The following YES1 variants were observed in gnomAD, a reference collection of about 807,000 sequenced individuals.
YES1 encodes YES proto-oncogene 1, Src family tyrosine kinase, also known as tyrosine-protein kinase Yes.
YES1 carries 39 observed loss-of-function variants against 70.4 expected under a neutral mutation model. That is an observed-to-expected ratio of 0.55 (90% CI 0.43 to 0.72). YES1 has a LOEUF of 0.72. Among genes scored for constraint, YES1 ranks in the 30% least tolerant of loss-of-function variants. The pLI, the probability that YES1 is intolerant of heterozygous loss-of-function variation, is 0.00. For missense variants in YES1, 495 were observed against 644.8 expected (o/e 0.77, Z 2.52); for synonymous variants, 198 against 218.6 (o/e 0.91, Z 0.83).
chr18:733,120 A>G (rs966680143), intron 10 of YES1, among the ~76,000 whole-genome samples, 155 bp from the exon 11 acceptor site: 3 of 152,238 alleles, frequency 2.0e-5, no homozygotes, highest in Non-Finnish European at 4.4e-5. Flanking sequence ...AAATTCTTTA[A>G]TTTTTAAAAT....
At chr18:776,561 T>C (rs549772935) in intron 1 of YES1, among the ~76,000 whole-genome samples, 2 of 152,328 alleles carry the variant, frequency 1.3e-5, no homozygotes, top group Admixed American at 1.3e-4. Flanking sequence ...AGGCATTCTT[T>C]AATTTTCTGT....
rs150907434 is a variant in YES1 at position 749,525 on chromosome 18, C to A, written c.372-1507G>T. ...AAAAAACAAAAGCAAAACAAAAAAA[C>A]CCCCTGAATTTCTAGAATAATGCAT... On this transcript the variant is annotated intron_variant, in intron 3 of 11. Coordinates refer to ENST00000314574, the MANE Select transcript of YES1 (RefSeq NM_005433.4). Among the ~76,000 whole-genome samples the A allele has an allele frequency of 2.0e-3, 305 of 149,762 alleles. 2 individuals are homozygous for A. The highest frequency in any genetic ancestry group is 6.2e-3 in the South Asian group (29 of 4,698).
At chr18:776,125 A>T (rs1347418438) in intron 1 of YES1, among the ~76,000 whole-genome samples, 1 of 152,220 alleles carries the variant, frequency 6.6e-6, no homozygotes, top group African/African-American at 2.4e-5. Context: ...GAGTAGCTAT[A>T]GCAGTTTATA....
At chr18:745,354 T>C (rs2080266713) in intron 6 of YES1, among the ~76,000 whole-genome samples, 1 of 152,232 alleles carries the variant, frequency 6.6e-6, no homozygotes, top group Admixed American at 6.5e-5. Flanking sequence ...GTAATCCTTC[T>C]GACATAGCTT....
chr18:782,457 T>C (rs1321189643), intron 1 of YES1, among the ~76,000 whole-genome samples: 1 of 152,128 alleles, frequency 6.6e-6, no homozygotes, highest in African/African-American at 2.4e-5. Context: ...GGAAAGGTCC[T>C]AGAAAATGAG....
At chr18:734,908 A>C (rs1250286200) in intron 10 of YES1, among the ~76,000 whole-genome samples, 1 of 152,204 alleles carries the variant, frequency 6.6e-6, no homozygotes, top group Non-Finnish European at 1.5e-5. Context: ...CTGTAATCCC[A>C]GCGCTTTGGG....
chr18:729,425 A>C (rs532376510), intron 11 of YES1, among the ~76,000 whole-genome samples: 1 of 151,540 alleles, frequency 6.6e-6, no homozygotes, highest in South Asian at 2.1e-4. Context: ...AAAAGAAAAT[A>C]AATAAATAAA....
At chr18:777,040 A>C (rs1905420383) in intron 1 of YES1, among the ~76,000 whole-genome samples, 1 of 152,210 alleles carries the variant, frequency 6.6e-6, no homozygotes, top group African/African-American at 2.4e-5. Flanking sequence ...GGCAATTATT[A>C]ATTTTTTTCA....
At chr18:766,333 T>C (rs961825967) in intron 1 of YES1, among the ~76,000 whole-genome samples, 2 of 152,100 alleles carry the variant, frequency 1.3e-5, no homozygotes, top group African/African-American at 4.8e-5. Context: ...ATAGATGTTA[T>C]CATCGATGAT....
At chr18:797,963 C>T (rs1046205773) in intron 1 of YES1, 3 of 152,146 alleles carry the variant, frequency 2.0e-5, no homozygotes, top group African/African-American at 7.2e-5. Context: ...AAACTTCACA[C>T]TATGATCTCT....
chr18:725,717 G>A (rs1000514295), intron 11 of YES1, among the ~76,000 whole-genome samples: 4 of 152,014 alleles, frequency 2.6e-5, no homozygotes, highest in African/African-American at 7.3e-5. Context: ...GTGAAACCAC[G>A]ACTCTACAAA....
intron 1 of YES1, among the ~76,000 whole-genome samples, chr18:765,247 ACTATATATATATAT>A (rs1393245854): frequency 1.6e-5 from 1 of 62,366 alleles, no homozygotes; most frequent in African/African-American, 5.6e-5. Flanking sequence ...AAGAGTTACA[ACTATATATATATAT>A]ATATATATAT....
At chr18:732,436 A>T (rs1630319) in intron 11 of YES1, among the ~76,000 whole-genome samples, 9,220 of 67,208 alleles carry the variant, frequency 0.14, 446 homozygotes, top group East Asian at 0.35. Context: ...GACTGTGTTT[A>T]AAAAAAAAAA....
intron 4 of YES1, among the ~76,000 whole-genome samples, chr18:746,518 G>A (rs1210047780): frequency 3.9e-5 from 6 of 152,170 alleles, no homozygotes; most frequent in African/African-American, 7.2e-5. Flanking sequence ...TGAATAAAAT[G>A]ACAGTGTCTG....
At chr18:741,007 C>T (rs1324854817) in intron 8 of YES1, among the ~76,000 whole-genome samples, 1 of 152,202 alleles carries the variant, frequency 6.6e-6, no homozygotes, top group Non-Finnish European at 1.5e-5. Flanking sequence ...AAGCCATTCT[C>T]GTGCCTCAGC....
Position 724,408 on chromosome 18 carries a change from A to C in YES1, c.*16T>G, listed in dbSNP as rs763335585. 6.2e-7 allele frequency: 1 copy of C among 1,609,992 alleles called. No homozygotes were observed. On this transcript the variant is annotated 3_prime_UTR_variant, in exon 12 of 12. Coordinates refer to ENST00000314574, the MANE Select transcript of YES1 (RefSeq NM_005433.4). ...ATATTTTGGCAGATTTGTGCATATA[A>C]AATAGGCTACTTGAATTATAAATTT...
chr18:800,064 C>T (rs2145832517), intron 1 of YES1, among the ~76,000 whole-genome samples: 1 of 152,350 alleles, frequency 6.6e-6, no homozygotes, highest in South Asian at 2.1e-4. Context: ...CTTAGTTTCT[C>T]CATCAGACTC....
At chr18:791,916 G>A (rs561760298) in intron 1 of YES1, among the ~76,000 whole-genome samples, 67 of 152,060 alleles carry the variant, frequency 4.4e-4, no homozygotes, top group African/African-American at 1.5e-3. Flanking sequence ...TCAGCTGGGG[G>A]TGTTGGCGTG....
chr18:791,649 A>C (rs1161237353), intron 1 of YES1, among the ~76,000 whole-genome samples: 1 of 152,204 alleles, frequency 6.6e-6, no homozygotes, highest in Non-Finnish European at 1.5e-5. Context: ...CATAAAACAG[A>C]AAGAGATTAA....
Sources: allele counts gnomAD v4.1 joint callset (sites outside exome capture counted in the v4.1 genomes callset), GRCh38; gene constraint gnomAD v4.1.1; transcripts MANE v1.5; gene names NCBI Gene and HGNC (gene_info 2026-07-23, HGNC 2026-07-21).